The following IKZF2 variants were observed in gnomAD, a reference collection of about 807,000 sequenced individuals.
IKZF2 encodes IKAROS family zinc finger 2.
Under a neutral mutation model 49.2 loss-of-function variants are expected in IKZF2, and 15 were observed. The observed-to-expected ratio is 0.30, with a 90% CI of 0.20 to 0.47. The LOEUF (loss-of-function observed/expected upper bound fraction) is 0.47, where lower values mean the gene tolerates loss of function less well. Ranked by LOEUF, IKZF2 falls within the 20% of genes least tolerant of loss-of-function variation. The probability of loss-of-function intolerance (pLI) is 1.00; values close to 1 mark genes in which losing one functional copy is unlikely to be tolerated. For synonymous variants in IKZF2, 227 were observed against 221.4 expected, an observed-to-expected ratio of 1.03 and a Z score of -0.23; for missense variants, 567 against 664.6, an observed-to-expected ratio of 0.85 and a Z score of 1.61.
chr2:213,115,914 GA>G lies in IKZF2; in HGVS notation c.139+31793del, dbSNP rs796848683. On this transcript the variant is annotated intron_variant, in intron 4 of 8. Transcript: ENST00000434687. ...TATTACAATGTATGGGTGTATGACA[GA>G]AAAAAAAAAAGCTGTGTAACATCAG... Among the ~76,000 whole-genome samples the G allele has an allele frequency of 1.5e-3, 220 of 144,180 alleles. 1 individual carries two copies. Among genetic ancestry groups the G allele is most frequent in the African/African-American group, 4.4e-3 (174 of 39,858 alleles). The allele number at this position is 144,180 out of a possible 152,430, so 94.6% of individuals were successfully genotyped here. A position where few individuals can be genotyped will look rare whatever the true frequency, so the allele number is the denominator to read the frequency against.
rs140441074 is a variant in IKZF2 at position 213,113,199 on chromosome 2, T to G, written c.139+34509A>C. Among the ~76,000 whole-genome samples, 877 of 152,322 alleles carry G rather than the reference T, an allele frequency of 5.8e-3. 11 individuals are homozygous for G. Among genetic ancestry groups the G allele is most frequent in the African/African-American group, 0.02 (844 of 41,574 alleles). On this transcript the variant is annotated intron_variant, in intron 4 of 8. Transcript: ENST00000434687. The stretch of plus-strand genomic sequence containing the variant: ...TAAATAATCATTAAGTTGTCTCTTT[T>G]ATTCCTACTTTATATGGATGTCCCT...
At chr2:213,106,379 C>CA (rs1186942415) in intron 4 of IKZF2, among the ~76,000 whole-genome samples, 1 of 151,698 alleles carries the variant, frequency 6.6e-6, no homozygotes, top group Non-Finnish European at 1.5e-5. Flanking sequence ...TGGTTCACGT[C>CA]TATAATCCCA....
At chr2:213,078,588 G>C (rs1703547437) in intron 4 of IKZF2, among the ~76,000 whole-genome samples, 1 of 152,222 alleles carries the variant, frequency 6.6e-6, no homozygotes, top group Non-Finnish European at 1.5e-5. Context: ...CAGCTAATAA[G>C]TAAGTTGAAG....
At chr2:213,087,668 C>T (rs955440283) in intron 4 of IKZF2, among the ~76,000 whole-genome samples, 1 of 152,146 alleles carries the variant, frequency 6.6e-6, no homozygotes, top group Non-Finnish European at 1.5e-5. Context: ...CACCCCATGA[C>T]AGGCCCCAGT....
At chr2:213,064,156 C>T (rs1701955613) in intron 4 of IKZF2, among the ~76,000 whole-genome samples, 3 of 151,838 alleles carry the variant, frequency 2.0e-5, no homozygotes, top group South Asian at 4.1e-4. Flanking sequence ...TTCTATACTC[C>T]TTGTCCTGCT....
intron 5 of IKZF2, among the ~76,000 whole-genome samples, chr2:213,052,436 A>G (rs1652975476): frequency 6.6e-6 from 1 of 152,102 alleles, no homozygotes; most frequent in South Asian, 2.1e-4. Context: ...ATTGATTTGA[A>G]TTATGAATAA....
At chr2:213,139,989 T>C (rs914156416) in intron 4 of IKZF2, among the ~76,000 whole-genome samples, 1 of 151,990 alleles carries the variant, frequency 6.6e-6, no homozygotes, top group African/African-American at 2.4e-5. Flanking sequence ...CCCTTGAAGA[T>C]ACCATCCTTC....
At chr2:213,063,814 A>C (rs1221307030) in intron 4 of IKZF2, among the ~76,000 whole-genome samples, 1 of 152,026 alleles carries the variant, frequency 6.6e-6, no homozygotes, top group Non-Finnish European at 1.5e-5. Context: ...TGAAACAAGT[A>C]ACTTACATTA....
intron 4 of IKZF2, among the ~76,000 whole-genome samples, chr2:213,142,560 T>C (rs762006347): frequency 1.3e-5 from 2 of 151,980 alleles, no homozygotes; most frequent in East Asian, 3.9e-4. Context: ...TATTGCCTTA[T>C]TGAAATCTCA....
At chr2:213,074,927 C>T (rs1009496320) in intron 4 of IKZF2, among the ~76,000 whole-genome samples, 7 of 152,120 alleles carry the variant, frequency 4.6e-5, no homozygotes, top group Non-Finnish European at 8.8e-5. Flanking sequence ...AAGCATGGAT[C>T]CTGAAAAGGC....
chr2:213,106,139 C>A (rs1049472211), intron 4 of IKZF2, among the ~76,000 whole-genome samples: 1 of 152,018 alleles, frequency 6.6e-6, no homozygotes, highest in African/African-American at 2.4e-5. Context: ...AGCTATTTCT[C>A]TTTTTAAAAA....
At chr2:213,048,376 A>T (rs1363140228) in intron 6 of IKZF2, among the ~76,000 whole-genome samples, 1 of 152,094 alleles carries the variant, frequency 6.6e-6, no homozygotes, top group Non-Finnish European at 1.5e-5. Flanking sequence ...TATTACATGA[A>T]GTTGAGGCAA....
At position 213,148,638 on chromosome 2, in the gene IKZF2, T is replaced by A; in HGVS notation, c.-9A>T. The A allele has an allele frequency of 6.2e-7, 1 of 1,610,580 alleles. No homozygotes were observed. The highest frequency in any genetic ancestry group is 8.5e-7 in the Non-Finnish European group (1 of 1,176,884). ...ATAGCCTCTGTTTCCATAGTCAAAGTGCAATGCTGCAAAACAAAAGATTAT... is the reference window on the plus strand; with the variant it reads ...ATAGCCTCTGTTTCCATAGTCAAAGAGCAATGCTGCAAAACAAAAGATTAT... On this transcript the variant is annotated 5_prime_UTR_variant, in exon 3 of 9. Coordinates refer to ENST00000434687, the MANE Select transcript of IKZF2 (RefSeq NM_001387220.1).
intron 7 of IKZF2, among the ~76,000 whole-genome samples, chr2:213,016,104 T>C (rs1351144907): frequency 6.6e-6 from 1 of 152,094 alleles, no homozygotes; most frequent in Non-Finnish European, 1.5e-5. Flanking sequence ...ATGTCAAAAA[T>C]TGATCTTGTT....
intron 4 of IKZF2, among the ~76,000 whole-genome samples, chr2:213,124,235 T>A (rs1452081420): frequency 8.7e-6 from 1 of 115,176 alleles, no homozygotes; most frequent in African/African-American, 3.9e-5. Context: ...CACGCACACA[T>A]GCGCTCGCGC....
intron 4 of IKZF2, among the ~76,000 whole-genome samples, chr2:213,076,843 C>T (rs545441147): frequency 6.6e-6 from 1 of 152,070 alleles, no homozygotes; most frequent in African/African-American, 2.4e-5. Flanking sequence ...GCGGAGCTTG[C>T]GTGAGCGGAG....
Position 213,004,166 on chromosome 2 carries a change from A to G in IKZF2, c.*3194T>C, listed in dbSNP as rs1695136251. On this transcript the variant is annotated 3_prime_UTR_variant, in exon 9 of 9. Transcript: ENST00000434687. ...ATTCTCTTTAAAAGAATGTGTGTGTAGTATACACACACATATACCCTATGA... is the reference window on the plus strand; with the variant it reads ...ATTCTCTTTAAAAGAATGTGTGTGTGGTATACACACACATATACCCTATGA... 1 of 151,854 alleles carries G rather than the reference A, an allele frequency of 6.6e-6. No individual in the cohort carries two copies. Among genetic ancestry groups the G allele is most frequent in the Admixed American group, 6.6e-5 (1 of 15,198 alleles). The allele number at this position is 151,854 out of a possible 1,614,324, so 9.4% of individuals were successfully genotyped here.
chr2:213,064,783 C>G (rs991408342), intron 4 of IKZF2, among the ~76,000 whole-genome samples: 3 of 151,936 alleles, frequency 2.0e-5, no homozygotes, highest in African/African-American at 7.2e-5. Flanking sequence ...ACTTTAAGAT[C>G]CCCATGACCT....
chr2:213,064,751 C>A (rs1199093175), intron 4 of IKZF2, among the ~76,000 whole-genome samples: 3 of 147,312 alleles, frequency 2.0e-5, no homozygotes, highest in Non-Finnish European at 3.0e-5. Flanking sequence ...TCTGTTTTTG[C>A]ATCTTCTTGG....
Sources: allele counts gnomAD v4.1 joint callset (sites outside exome capture counted in the v4.1 genomes callset), GRCh38; gene constraint gnomAD v4.1.1; transcripts MANE v1.5; gene names NCBI Gene and HGNC (gene_info 2026-07-23, HGNC 2026-07-21).